MGRN1: variants seen among roughly 807,000 people sequenced by gnomAD.
The protein encoded by MGRN1 is mahogunin ring finger 1.
In MGRN1, 29 loss-of-function variants were observed where a neutral mutation model predicts 69.2. The observed-to-expected ratio is 0.42, with a 90% confidence interval of 0.31 to 0.57. The LOEUF is 0.57. Ranked by LOEUF, MGRN1 falls within the 20% of genes least tolerant of loss-of-function variation. The pLI is 0.15. For missense variants in MGRN1, 998 were observed against 796.2 expected, an observed-to-expected ratio of 1.25 and a Z score of -3.05; for synonymous variants, 470 against 344.2, an observed-to-expected ratio of 1.37 and a Z score of -4.04.
intron 5 of MGRN1, among the ~76,000 whole-genome samples, chr16:4,661,588 CGGCAGCCTTGACTCTGGCCCTG>C (rs1461978104): frequency 4.6e-5 from 7 of 152,268 alleles, no homozygotes; most frequent in African/African-American, 1.7e-4. Flanking sequence ...GACTTGATGC[CGGCAGCCTTGACTCTGGCCCTG>C]GGCCAGTGCC....
intron 5 of MGRN1, chr16:4,664,392 G>A (rs918670159): frequency 5.7e-5 from 23 of 404,204 alleles, no homozygotes; most frequent in Non-Finnish European, 3.2e-5. Context: ...TGATGGCTAC[G>A]TGTGGGGTTT....
intron 1 of MGRN1, 121 bp from the exon 2 acceptor site, chr16:4,650,244 A>C (rs2078372122): frequency 2.9e-6 from 2 of 692,780 alleles, no homozygotes; most frequent in Admixed American, 2.9e-5. Flanking sequence ...CGGAGCTTGC[A>C]GTGAGCTGAG....
intron 16 of MGRN1, among the ~76,000 whole-genome samples, chr16:4,684,839 G>T (rs959402232): frequency 1.3e-5 from 2 of 152,256 alleles, no homozygotes; most frequent in African/African-American, 4.8e-5. Flanking sequence ...TGCTTAGGGA[G>T]TGTGGCTCTT....
chr16:4,650,444 G>A lies in MGRN1; in HGVS notation c.168G>A (p.Glu56=). The change falls in exon 2 of 17, where the codon GAG becomes GAA. Residue 56 remains glutamate (E), a synonymous_variant. Transcript: ENST00000262370. The part of the protein sequence containing the change: ...TPHPEGYLFG[E]NMDLNFLGSR... ...ACCCTGAAGGTTACCTCTTTGGAGA[G>A]AACATGGATCTGAACTTCCTGGGCA... 2 of 1,614,046 alleles carry A rather than the reference G, an allele frequency of 1.2e-6. No individual in the cohort carries two copies. The highest frequency in any genetic ancestry group is 3.3e-5 in the Admixed American group (2 of 60,012).
Position 4,628,834 on chromosome 16 carries a change from T to C in MGRN1, c.88+3786T>C, listed in dbSNP as rs139022995. On this transcript the variant is annotated intron_variant, in intron 1 of 16. Coordinates refer to ENST00000262370, the MANE Select transcript of MGRN1 (RefSeq NM_015246.4). ...TGCTAGGATTACAGGTGTGAGCCAC[T>C]ATGCCCAGCCTTTTCTGTTTTTTTT... Among the ~76,000 whole-genome samples, 897 of 152,056 alleles carry C rather than the reference T, an allele frequency of 5.9e-3. 8 individuals carry two copies. In the Middle Eastern group the frequency reaches 0.065, roughly 11 times the overall value.
chr16:4,681,881 G>T, intron 13 of MGRN1, 105 bp downstream of exon 13: 1 of 1,182,720 alleles, frequency 8.5e-7, no homozygotes, highest in South Asian at 1.6e-5. Context: ...TCTGTGTGGC[G>T]ATTCCCCAGA....
chr16:4,640,337 C>T (rs1273522696), intron 1 of MGRN1: 1 of 152,306 alleles, frequency 6.6e-6, no homozygotes, highest in East Asian at 1.9e-4. Context: ...ATGTATCCTC[C>T]TGCCTGGAGG....
intron 1 of MGRN1, among the ~76,000 whole-genome samples, chr16:4,647,955 C>T (rs1325737854): frequency 6.6e-6 from 1 of 152,096 alleles, no homozygotes; most frequent in Admixed American, 6.5e-5. Context: ...CCCGGCTGGT[C>T]TTGGTGGCCG....
intron 16 of MGRN1, chr16:4,686,125 C>T (rs2079310803): frequency 1.9e-6 from 2 of 1,072,260 alleles, no homozygotes; most frequent in East Asian, 2.7e-5. Context: ...TTGTGGTTCT[C>T]TGTGGTTGCA....
At chr16:4,683,092 C>T (rs902000267) in intron 14 of MGRN1, 132 bp from the exon 15 acceptor site, 18 of 1,503,536 alleles carry the variant, frequency 1.2e-5, no homozygotes, top group East Asian at 2.3e-5. Flanking sequence ...TCCTTAGCCT[C>T]GGTCTGTGGA....
chr16:4,665,161 A>G lies in MGRN1; in HGVS notation c.678+10A>G, dbSNP rs369057772. 5.6e-6 allele frequency: 9 copies of G among 1,614,114 alleles called. No homozygotes were observed. Among genetic ancestry groups the G allele is most frequent in the Non-Finnish European group, 7.6e-6 (9 of 1,180,004 alleles). On this transcript the variant is annotated intron_variant, in intron 7 of 16. Transcript: ENST00000262370. ...GGCTGCCTTTGAAAAGGTAAGTGCC[A>G]TCTGGCCATCACTTTCCCGGGGACC...
intron 13 of MGRN1, among the ~76,000 whole-genome samples, chr16:4,682,169 A>G (rs978174893): frequency 3.9e-5 from 6 of 152,236 alleles, no homozygotes; most frequent in African/African-American, 1.2e-4. Flanking sequence ...CAGCCAGGGC[A>G]GCCGAAACTC....
chr16:4,687,625 G>C, intron 16 of MGRN1: 1 of 969,850 alleles, frequency 1.0e-6, no homozygotes, highest in Non-Finnish European at 1.2e-6. Flanking sequence ...GAGAGAGAAG[G>C]CAGCTCCAGG....
At chr16:4,661,143 ATTT>A (rs112367751) in intron 5 of MGRN1, among the ~76,000 whole-genome samples, 9 of 145,000 alleles carry the variant, frequency 6.2e-5, no homozygotes, top group African/African-American at 1.8e-4. Context: ...CTACTGGCTG[ATTT>A]TTTTTTTTTT....
intron 1 of MGRN1, among the ~76,000 whole-genome samples, chr16:4,637,059 C>T (rs1383806041): frequency 2.1e-5 from 3 of 141,230 alleles, no homozygotes; most frequent in Admixed American, 7.6e-5. Context: ...GTGGAGCTTG[C>T]AGTGAGTCAA....
At chr16:4,682,592 G>A (rs1283181701) in intron 13 of MGRN1, among the ~76,000 whole-genome samples, 2 of 152,178 alleles carry the variant, frequency 1.3e-5, no homozygotes, top group African/African-American at 2.4e-5. Flanking sequence ...GGCTAGGCCC[G>A]TGCCAGTGTG....
At chr16:4,660,132 A>G (rs906732325) in intron 5 of MGRN1, among the ~76,000 whole-genome samples, 9 of 152,366 alleles carry the variant, frequency 5.9e-5, no homozygotes, top group African/African-American at 2.2e-4. Flanking sequence ...GGTGCCCAGC[A>G]TGGCTGCACT....
chr16:4,646,340 G>A (rs1278461615), intron 1 of MGRN1, among the ~76,000 whole-genome samples: 1 of 152,076 alleles, frequency 6.6e-6, no homozygotes, highest in Non-Finnish European at 1.5e-5. Context: ...GAGGCAGGAG[G>A]ATTGTTTGAG....
chr16:4,686,062 C>T (rs921142258), intron 16 of MGRN1, among the ~76,000 whole-genome samples: 3 of 152,154 alleles, frequency 2.0e-5, no homozygotes, highest in Admixed American at 6.5e-5. Context: ...AGGGCCAGTG[C>T]GCTCCTCCGC....
Sources: gnomAD v4.1 joint callset for allele counts (sites outside exome capture counted in the v4.1 genomes callset) on GRCh38, gnomAD v4.1.1 for gene constraint, MANE v1.5 for transcripts, NCBI Gene and HGNC (gene_info 2026-07-23, HGNC 2026-07-21) for gene names.